Variants in TNRC6B observed in about 807,000 individuals in gnomAD.
TNRC6B encodes the protein trinucleotide repeat-containing gene 6B protein.
Under a neutral mutation model 203.6 loss-of-function variants are expected in TNRC6B, and 52 were observed. The ratio of observed to expected loss-of-function variants is 0.26; its 90% CI spans 0.20 to 0.32. The LOEUF is 0.32. Among genes scored for constraint, TNRC6B ranks in the 10% least tolerant of loss-of-function variants. The pLI is 1.00. For missense variants in TNRC6B, 1,923 were observed against 2,286.2 expected, an observed-to-expected ratio of 0.84 and a Z score of 3.24; for synonymous variants, 838 against 845.7, an observed-to-expected ratio of 0.99 and a Z score of 0.16.
At chr22:40,063,815 G>C (rs972054754) in intron 1 of TNRC6B, among the ~76,000 whole-genome samples, 2 of 151,870 alleles carry the variant, frequency 1.3e-5, no homozygotes, top group Non-Finnish European at 2.9e-5. Context: ...TGATCTTTCT[G>C]CTTCAACCTC....
chr22:40,220,236 G>T (rs1248587205), intron 1 of TNRC6B, among the ~76,000 whole-genome samples: 2 of 152,134 alleles, frequency 1.3e-5, no homozygotes, highest in African/African-American at 4.8e-5. Context: ...CTTGTTGAAG[G>T]ATCCCCAAAC....
intron 1 of TNRC6B, among the ~76,000 whole-genome samples, chr22:40,214,654 A>G (rs534059171): frequency 1.3e-5 from 2 of 151,916 alleles, no homozygotes; most frequent in South Asian, 4.2e-4. Flanking sequence ...CTGGGCTCAG[A>G]TGATTTTCTG....
intron 1 of TNRC6B, among the ~76,000 whole-genome samples, chr22:40,113,716 G>T (rs964810207): frequency 6.6e-6 from 1 of 152,002 alleles, no homozygotes; most frequent in African/African-American, 2.4e-5. Flanking sequence ...CTTCTTGTCC[G>T]CTTGGGCTGG....
intron 4 of TNRC6B, among the ~76,000 whole-genome samples, chr22:40,263,795 C>A (rs962639047): frequency 2.0e-5 from 3 of 152,174 alleles, no homozygotes; most frequent in Non-Finnish European, 4.4e-5. Context: ...CCCCTGCCAC[C>A]CTGGGCACCT....
At chr22:40,052,883 CAA>C (rs1368848009) in intron 1 of TNRC6B, among the ~76,000 whole-genome samples, 2 of 152,136 alleles carry the variant, frequency 1.3e-5, no homozygotes, top group African/African-American at 2.4e-5. Context: ...AATAAATGAA[CAA>C]ATGTTACCTT....
intron 1 of TNRC6B, among the ~76,000 whole-genome samples, chr22:40,060,125 C>G (rs1425510881): frequency 5.3e-5 from 8 of 150,074 alleles, no homozygotes; most frequent in Admixed American, 5.3e-4. Context: ...GCACTGTGCC[C>G]GGCCATCATT....
intron 1 of TNRC6B, among the ~76,000 whole-genome samples, chr22:40,052,857 G>T (rs60467592): frequency 0.044 from 6,753 of 152,246 alleles, 453 homozygotes; most frequent in African/African-American, 0.15. Context: ...GTAGTAGGCA[G>T]TGTGTAAATG....
intron 1 of TNRC6B, among the ~76,000 whole-genome samples, chr22:40,214,423 A>G (rs2069606437): frequency 6.6e-6 from 1 of 152,234 alleles, no homozygotes; most frequent in Non-Finnish European, 1.5e-5. Context: ...TAAGGTTGGT[A>G]GATTTTATCA....
At chr22:40,093,408 A>C (rs2068164339) in intron 1 of TNRC6B, among the ~76,000 whole-genome samples, 2 of 152,334 alleles carry the variant, frequency 1.3e-5, no homozygotes, top group South Asian at 4.1e-4. Flanking sequence ...ATTTGAAGAC[A>C]TTTTCCAAAA....
intron 1 of TNRC6B, among the ~76,000 whole-genome samples, chr22:40,222,916 TTA>T (rs1259763029): frequency 6.6e-6 from 1 of 151,388 alleles, no homozygotes; most frequent in Non-Finnish European, 1.5e-5. Context: ...CAGCTAATAT[TTA>T]TATTTTATTG....
chr22:40,153,391 A>G (rs370533889), intron 3 of TNRC6B, among the ~76,000 whole-genome samples: 130 of 152,310 alleles, frequency 8.5e-4, no homozygotes, highest in Non-Finnish European at 1.3e-3. Flanking sequence ...AAAGCAATCA[A>G]TCCAGTTCGG....
chr22:40,229,374 C>CACTT (rs983667147), intron 1 of TNRC6B, among the ~76,000 whole-genome samples: 1 of 152,020 alleles, frequency 6.6e-6, no homozygotes, highest in Non-Finnish European at 1.5e-5. Context: ...AAAGGGATCT[C>CACTT]ACTTACGGGG....
At chr22:40,106,926 T>A in intron 1 of TNRC6B, 1 of 1,019,218 alleles carries the variant, frequency 9.8e-7, no homozygotes, top group Non-Finnish European at 1.5e-6. Context: ...ATAAACTTCC[T>A]CCTTGCCCTT....
intron 9 of TNRC6B, 32 bp downstream of exon 9, chr22:40,278,076 A>G: frequency 6.5e-7 from 1 of 1,536,300 alleles, no homozygotes; most frequent in South Asian, 1.2e-5. Flanking sequence ...AGAATGGAGT[A>G]TATCAGTGTT....
intron 1 of TNRC6B, among the ~76,000 whole-genome samples, chr22:40,051,435 A>G (rs1370631468): frequency 2.0e-5 from 3 of 152,194 alleles, no homozygotes; most frequent in Non-Finnish European, 4.4e-5. Context: ...TCCACCCAGC[A>G]TGGGGCTTCT....
rs1300026852 is a variant in TNRC6B, at chr22:40,330,576, A to G, written c.*7335A>G. ...GTTACATACCTTTTAAAGGTAGTAT[A>G]GTTTCTCACCAAGTGATGCATTTTA... On this transcript the variant is annotated 3_prime_UTR_variant, in exon 23 of 23. Coordinates refer to ENST00000454349, the MANE Select transcript of TNRC6B (RefSeq NM_001162501.2). 1 of 152,670 alleles carries G rather than the reference A, an allele frequency of 6.6e-6. No individual in the cohort carries two copies. Among genetic ancestry groups the G allele is most frequent in the Non-Finnish European group, 1.5e-5 (1 of 68,036 alleles). 9.5% of individuals were successfully genotyped at this position (152,670 alleles called of 1,614,324 possible). A position where few individuals can be genotyped will look rare whatever the true frequency, so the allele number is the denominator to read the frequency against.
intron 1 of TNRC6B, among the ~76,000 whole-genome samples, chr22:40,220,447 T>A (rs960432925): frequency 2.6e-5 from 4 of 152,062 alleles, no homozygotes; most frequent in African/African-American, 9.7e-5. Context: ...TTGACAGCTT[T>A]AGAGTGACTT....
chr22:40,176,524 C>G (rs1172304577), upstream of TNRC6B, among the ~76,000 whole-genome samples: 2 of 152,046 alleles, frequency 1.3e-5, no homozygotes, highest in African/African-American at 4.8e-5. Context: ...CCCTCATTCC[C>G]CTACATTTTT....
At chr22:40,119,464 G>C (rs2068423462) in intron 2 of TNRC6B, among the ~76,000 whole-genome samples, 1 of 152,158 alleles carries the variant, frequency 6.6e-6, no homozygotes, top group Non-Finnish European at 1.5e-5. Context: ...CGTGCCTGTA[G>C]TCCCAGCTAC....
Sources: allele counts gnomAD v4.1 joint callset (sites outside exome capture counted in the v4.1 genomes callset), GRCh38; gene constraint gnomAD v4.1.1; transcripts MANE v1.5; gene names NCBI Gene and HGNC (gene_info 2026-07-23, HGNC 2026-07-21).